KCNIP1: variants seen among roughly 807,000 people sequenced by gnomAD.
The protein encoded by KCNIP1 is potassium voltage-gated channel interacting protein 1.
KCNIP1 carries 18 observed loss-of-function variants against 33.0 expected under a neutral mutation model. The observed-to-expected ratio is 0.55, with a 90% confidence interval of 0.38 to 0.81. The LOEUF (loss-of-function observed/expected upper bound fraction) is 0.81. Among genes scored for constraint, KCNIP1 ranks in the 30% least tolerant of loss-of-function variants. KCNIP1 has a pLI of 0.00. For missense variants in KCNIP1, 238 were observed against 271.6 expected, an observed-to-expected ratio of 0.88 and a Z score of 0.87; for synonymous variants, 93 against 98.3, an observed-to-expected ratio of 0.95 and a Z score of 0.32.
intron 1 of KCNIP1, among the ~76,000 whole-genome samples, chr5:170,673,953 T>C (rs536045944): frequency 2.0e-5 from 3 of 152,112 alleles, no homozygotes; most frequent in Admixed American, 1.3e-4. Flanking sequence ...TAGTAAAAGG[T>C]GCATAGATCC....
chr5:170,584,422 C>T (rs564551971), intron 1 of KCNIP1, among the ~76,000 whole-genome samples: 5 of 152,240 alleles, frequency 3.3e-5, no homozygotes, highest in Non-Finnish European at 5.9e-5. Context: ...GAGATAAGAA[C>T]GGCAGGGGAG....
At chr5:170,408,327 G>A (rs1755090978) in intron 1 of KCNIP1, among the ~76,000 whole-genome samples, 1 of 152,210 alleles carries the variant, frequency 6.6e-6, no homozygotes, top group Non-Finnish European at 1.5e-5. Context: ...ATTGGAGGGA[G>A]ACCAGTTGCT....
intron 1 of KCNIP1, among the ~76,000 whole-genome samples, chr5:170,604,834 G>A (rs1429803148): frequency 6.6e-6 from 1 of 152,238 alleles, no homozygotes; most frequent in Non-Finnish European, 1.5e-5. Context: ...GAGAGGACCT[G>A]CTGGTGTGCG....
At chr5:170,387,431 T>A (rs1284104620) in intron 1 of KCNIP1, among the ~76,000 whole-genome samples, 69 of 152,240 alleles carry the variant, frequency 4.5e-4, no homozygotes, top group African/African-American at 1.6e-3. Context: ...GCTGCCCTCA[T>A]ACCCGGGCAT....
intron 1 of KCNIP1, among the ~76,000 whole-genome samples, chr5:170,522,901 G>A (rs1755417648): frequency 6.6e-6 from 1 of 152,206 alleles, no homozygotes; most frequent in African/African-American, 2.4e-5. Context: ...ACAGGACTTG[G>A]AACAAAGGAA....
intron 1 of KCNIP1, among the ~76,000 whole-genome samples, chr5:170,656,992 C>CTTTTTTTTTTTTT (rs11397076): frequency 1.1e-4 from 13 of 116,436 alleles, no homozygotes; most frequent in African/African-American, 3.3e-4. Context: ...TTTTTTCTTT[C>CTTTTTTTTTTTTT]TTTCTTTTTT....
At chr5:170,593,222 G>A (rs115958608) in intron 1 of KCNIP1, among the ~76,000 whole-genome samples, 1 of 152,310 alleles carries the variant, frequency 6.6e-6, no homozygotes, top group East Asian at 1.9e-4. Flanking sequence ...CCACAGGTGG[G>A]TGGGAGAGAC....
intron 1 of KCNIP1, among the ~76,000 whole-genome samples, chr5:170,534,065 T>C (rs1431541279): frequency 3.3e-5 from 5 of 152,174 alleles, no homozygotes; most frequent in Non-Finnish European, 7.3e-5. Flanking sequence ...ATTTAAACTT[T>C]TAAAAGTTTA....
At chr5:170,537,803 G>A (rs1756051933) in intron 1 of KCNIP1, among the ~76,000 whole-genome samples, 1 of 152,124 alleles carries the variant, frequency 6.6e-6, no homozygotes, top group Non-Finnish European at 1.5e-5. Context: ...TTCTGTCCCA[G>A]GGCACTGCCC....
At chr5:170,635,202 G>A (rs929136458) in intron 1 of KCNIP1, among the ~76,000 whole-genome samples, 3 of 152,070 alleles carry the variant, frequency 2.0e-5, no homozygotes, top group Admixed American at 1.3e-4. Context: ...GCTAATTTTT[G>A]TATTTTTAGT....
intron 1 of KCNIP1, among the ~76,000 whole-genome samples, chr5:170,599,665 A>G (rs1229788974): frequency 2.2e-4 from 10 of 46,270 alleles, no homozygotes; most frequent in Admixed American, 1.8e-3. Flanking sequence ...TTCCCGTGCA[A>G]TGGACCTAGG....
intron 1 of KCNIP1, among the ~76,000 whole-genome samples, chr5:170,581,180 A>G (rs1757782677): frequency 6.6e-6 from 1 of 152,222 alleles, no homozygotes; most frequent in African/African-American, 2.4e-5. Flanking sequence ...GTGATCTGTC[A>G]TGAATCACAA....
chr5:170,371,203 G>C (rs1297988308), intron 1 of KCNIP1, among the ~76,000 whole-genome samples: 2 of 152,180 alleles, frequency 1.3e-5, no homozygotes, highest in African/African-American at 2.4e-5. Context: ...ATGAGCTATG[G>C]GCTGGAAAGC....
At chr5:170,492,504 T>A (rs1280483837) in intron 1 of KCNIP1, among the ~76,000 whole-genome samples, 1 of 152,218 alleles carries the variant, frequency 6.6e-6, no homozygotes, top group Non-Finnish European at 1.5e-5. Flanking sequence ...GATCAAATTA[T>A]TGGCCAATGG....
chr5:170,551,955 A>AGTGTGTGTATGTGTTTGAGTGT (rs1756659683), intron 1 of KCNIP1, among the ~76,000 whole-genome samples: 1 of 149,170 alleles, frequency 6.7e-6, no homozygotes, highest in African/African-American at 2.5e-5. Flanking sequence ...TGTGTGTCTG[A>AGTGTGTGTATGTGTTTGAGTGT]GTGTGTGTAT....
intron 1 of KCNIP1, among the ~76,000 whole-genome samples, chr5:170,614,723 C>T (rs1759301187): frequency 6.6e-6 from 1 of 152,206 alleles, no homozygotes; most frequent in African/African-American, 2.4e-5. Context: ...ATGCTCTTTG[C>T]ATTGTTTTGT....
chr5:170,357,427 TCTCA>T (rs1763378181), intron 1 of KCNIP1, among the ~76,000 whole-genome samples: 1 of 152,356 alleles, frequency 6.6e-6, no homozygotes, highest in South Asian at 2.1e-4. Context: ...TGGGACTCCC[TCTCA>T]CTCATTACTT....
intron 5 of KCNIP1, among the ~76,000 whole-genome samples, chr5:170,729,707 C>A (rs1006451611): frequency 6.6e-6 from 1 of 151,930 alleles, no homozygotes; most frequent in Non-Finnish European, 1.5e-5. Flanking sequence ...TATTAAATTG[C>A]AAAGGTTTTG....
chr5:170,675,899 G>T (rs1162731870), intron 1 of KCNIP1, among the ~76,000 whole-genome samples: 1 of 152,072 alleles, frequency 6.6e-6, no homozygotes, highest in African/African-American at 2.4e-5. Context: ...GATGTAAAAG[G>T]TTGAACAGAA....
Sources: gnomAD v4.1 joint callset for allele counts (sites outside exome capture counted in the v4.1 genomes callset) on GRCh38, gnomAD v4.1.1 for gene constraint, MANE v1.5 for transcripts, NCBI Gene and HGNC (gene_info 2026-07-23, HGNC 2026-07-21) for gene names.